Variants in CDKAL1 observed in about 807,000 individuals in gnomAD.
The protein encoded by CDKAL1 is threonylcarbamoyladenosine tRNA methylthiotransferase.
A neutral mutation model predicts 68.2 loss-of-function variants in CDKAL1; 32 were observed. The ratio of observed to expected loss-of-function variants is 0.47; its 90% CI spans 0.35 to 0.63. The LOEUF is 0.63. Ranked by LOEUF, CDKAL1 falls within the 30% of genes least tolerant of loss-of-function variation. CDKAL1 has a pLI of 0.00. For synonymous variants in CDKAL1, 234 were observed against 244.3 expected, an observed-to-expected ratio of 0.96 and a Z score of 0.39; for missense variants, 606 against 696.7, an observed-to-expected ratio of 0.87 and a Z score of 1.47.
intron 8 of CDKAL1, among the ~76,000 whole-genome samples, chr6:20,821,466 C>T (rs1469410949): frequency 6.6e-6 from 1 of 152,172 alleles, no homozygotes; most frequent in African/African-American, 2.4e-5. Flanking sequence ...ATCCCAAAGC[C>T]TGGTTACTCT....
At chr6:20,823,870 C>T (rs932440754) in intron 8 of CDKAL1, among the ~76,000 whole-genome samples, 7 of 152,056 alleles carry the variant, frequency 4.6e-5, no homozygotes, top group African/African-American at 1.7e-4. Context: ...ATGTCTTTTG[C>T]TTCCAAAGTC....
At chr6:20,598,438 C>CTCT (rs551868610) in intron 4 of CDKAL1, among the ~76,000 whole-genome samples, 3,665 of 152,134 alleles carry the variant, frequency 0.024, 135 homozygotes, top group African/African-American at 0.078. Flanking sequence ...TAGGTTACAG[C>CTCT]CATTTTGGAA....
At chr6:20,806,233 G>A (rs1405058165) in intron 8 of CDKAL1, among the ~76,000 whole-genome samples, 2 of 152,094 alleles carry the variant, frequency 1.3e-5, no homozygotes, top group Non-Finnish European at 2.9e-5. Flanking sequence ...GAGAACCTGT[G>A]GTATTTGGTT....
At chr6:20,828,113 A>G (rs1424196055) in intron 8 of CDKAL1, among the ~76,000 whole-genome samples, 5 of 152,174 alleles carry the variant, frequency 3.3e-5, no homozygotes, top group Non-Finnish European at 7.3e-5. Context: ...TAGGGAGAAC[A>G]ATTTCTGCTG....
At chr6:21,129,249 A>G (rs891467969) in intron 13 of CDKAL1, among the ~76,000 whole-genome samples, 2 of 152,164 alleles carry the variant, frequency 1.3e-5, no homozygotes, top group African/African-American at 4.8e-5. Flanking sequence ...AGATAATTTT[A>G]TTGTGATTAA....
At chr6:21,017,406 T>C (rs923250173) in intron 11 of CDKAL1, among the ~76,000 whole-genome samples, 3 of 152,190 alleles carry the variant, frequency 2.0e-5, no homozygotes, top group African/African-American at 7.2e-5. Flanking sequence ...AGAATACTAG[T>C]TCTGGGTCAA....
intron 8 of CDKAL1, among the ~76,000 whole-genome samples, chr6:20,789,073 G>A (rs905926875): frequency 6.6e-6 from 1 of 152,152 alleles, no homozygotes; most frequent in Non-Finnish European, 1.5e-5. Flanking sequence ...GTAGAAAAGA[G>A]AATATGATAG....
Position 20,536,077 on chromosome 6 carries a change from T to G in CDKAL1, c.-6+683T>G, listed in dbSNP as rs951425275. ...CCAAGTAGCTGGGACTACAGGTGCA[T>G]GCCACCATGCCCGGCTAAATTTTAC... On this transcript the variant is annotated intron_variant, in intron 2 of 15. Coordinates refer to ENST00000274695, the MANE Select transcript of CDKAL1 (RefSeq NM_017774.3). 3.3e-5 allele frequency among the ~76,000 whole-genome samples: 5 copies of G among 150,710 alleles called. No homozygotes were observed. In the Admixed American group the frequency reaches 3.3e-4, roughly 10 times the overall value.
At chr6:20,916,801 A>G (rs1437971305) in intron 9 of CDKAL1, among the ~76,000 whole-genome samples, 1 of 152,128 alleles carries the variant, frequency 6.6e-6, no homozygotes, top group Non-Finnish European at 1.5e-5. Context: ...CTTTCTATCA[A>G]TTATTACCAG....
At chr6:21,171,586 A>G (rs1042686506) in intron 13 of CDKAL1, among the ~76,000 whole-genome samples, 1 of 152,236 alleles carries the variant, frequency 6.6e-6, no homozygotes, top group African/African-American at 2.4e-5. Context: ...TGTAATGGCT[A>G]CATAATACTA....
chr6:20,794,216 T>C (rs1776019538), intron 8 of CDKAL1, among the ~76,000 whole-genome samples: 1 of 152,152 alleles, frequency 6.6e-6, no homozygotes, highest in South Asian at 2.1e-4. Flanking sequence ...GTAAGAATCA[T>C]GTTTTATTAA....
intron 11 of CDKAL1, among the ~76,000 whole-genome samples, chr6:21,024,886 G>C (rs983513665): frequency 3.9e-5 from 6 of 152,162 alleles, no homozygotes; most frequent in African/African-American, 1.4e-4. Context: ...TCTTTTCCCA[G>C]CATGGCTTAA....
chr6:21,082,806 A>G (rs977750482), intron 12 of CDKAL1, among the ~76,000 whole-genome samples: 1 of 151,736 alleles, frequency 6.6e-6, no homozygotes, highest in Non-Finnish European at 1.5e-5. Flanking sequence ...GAATAATTGC[A>G]TATATATAAT....
chr6:21,107,103 G>A (rs1210738589), intron 12 of CDKAL1, among the ~76,000 whole-genome samples: 2 of 151,770 alleles, frequency 1.3e-5, no homozygotes, highest in East Asian at 1.9e-4. Context: ...ACCCGCCACC[G>A]TGCCCGGCTA....
At chr6:21,196,955 C>T (rs987688657) in intron 13 of CDKAL1, among the ~76,000 whole-genome samples, 6 of 151,968 alleles carry the variant, frequency 3.9e-5, no homozygotes, top group African/African-American at 9.7e-5. Flanking sequence ...GTCAGGAGTT[C>T]GAGACCAGCC....
At chr6:20,579,526 A>G (rs973221736) in intron 4 of CDKAL1, among the ~76,000 whole-genome samples, 1 of 152,132 alleles carries the variant, frequency 6.6e-6, no homozygotes, top group Non-Finnish European at 1.5e-5. Context: ...TAATTGCTTT[A>G]TGTATATTAA....
chr6:21,141,574 C>A (rs756780500), intron 13 of CDKAL1, among the ~76,000 whole-genome samples: 1 of 152,204 alleles, frequency 6.6e-6, no homozygotes, highest in East Asian at 1.9e-4. Flanking sequence ...CATTGTCAGG[C>A]AGGAATTAGT....
At chr6:20,935,790 C>T (rs903410621) in intron 9 of CDKAL1, among the ~76,000 whole-genome samples, 2 of 152,164 alleles carry the variant, frequency 1.3e-5, no homozygotes, top group Non-Finnish European at 2.9e-5. Context: ...GGCTGGTCTA[C>T]AACTCCTGCG....
At chr6:20,538,645 T>C (rs1270961944) in intron 2 of CDKAL1, among the ~76,000 whole-genome samples, 1 of 152,208 alleles carries the variant, frequency 6.6e-6, no homozygotes, top group Non-Finnish European at 1.5e-5. Flanking sequence ...TTTTAATTAA[T>C]GTTATTTAAT....
Sources: gnomAD v4.1 joint callset for allele counts (sites outside exome capture counted in the v4.1 genomes callset) on GRCh38, gnomAD v4.1.1 for gene constraint, MANE v1.5 for transcripts, NCBI Gene and HGNC (gene_info 2026-07-23, HGNC 2026-07-21) for gene names.